Variants in PDE3B observed in about 807,000 individuals in gnomAD.
PDE3B encodes the protein cGMP-inhibited 3',5'-cyclic phosphodiesterase 3B.
Under a neutral mutation model 116.8 loss-of-function variants are expected in PDE3B, and 66 were observed. The observed-to-expected ratio is 0.56, with a 90% CI of 0.46 to 0.69. The LOEUF (loss-of-function observed/expected upper bound fraction) is 0.69, where lower values mean the gene tolerates loss of function less well. Ranked by LOEUF, PDE3B falls within the 30% of genes least tolerant of loss-of-function variation. PDE3B has a pLI of 0.00. For synonymous variants in PDE3B, 595 were observed against 533.6 expected (o/e 1.12, Z -1.59); for missense variants, 1,384 against 1,368.1 (o/e 1.01, Z -0.18).
intron 5 of PDE3B, among the ~76,000 whole-genome samples, chr11:14,816,208 G>C (rs1034800370): frequency 1.3e-5 from 2 of 152,144 alleles, no homozygotes; most frequent in Non-Finnish European, 2.9e-5. Flanking sequence ...AAATTAATCT[G>C]CTTTACTCAA....
At chr11:14,813,807 A>T (rs999616008) in intron 5 of PDE3B, among the ~76,000 whole-genome samples, 1 of 152,192 alleles carries the variant, frequency 6.6e-6, no homozygotes, top group Non-Finnish European at 1.5e-5. Context: ...CCTGACAAGG[A>T]TATTACAAGT....
At position 14,795,040 on chromosome 11, in the gene PDE3B, G is replaced by A. The variant is rs545462474; in HGVS notation, c.1415+5798G>A. Among the ~76,000 whole-genome samples, 158 of 152,248 alleles carry A rather than the reference G, an allele frequency of 1.0e-3. 1 individual carries two copies. Among genetic ancestry groups the A allele is most frequent in the Non-Finnish European group, 1.5e-3 (99 of 68,022 alleles). On this transcript the variant is annotated intron_variant, in intron 4 of 15. Coordinates refer to ENST00000282096, the MANE Select transcript of PDE3B (RefSeq NM_000922.4). ...TGTTTGGCTATTCACAAGCTCCTCA[G>A]ACCCAGTCCTTTCTGGATTTTTATA...
intron 1 of PDE3B, among the ~76,000 whole-genome samples, chr11:14,716,616 AC>A (rs1855907629): frequency 1.8e-5 from 2 of 112,978 alleles, no homozygotes; most frequent in Admixed American, 1.9e-4. Flanking sequence ...CTGACCCCTG[AC>A]CCCCGAGCAG....
intron 1 of PDE3B, among the ~76,000 whole-genome samples, chr11:14,653,474 A>T (rs1466079516): frequency 6.6e-6 from 1 of 152,094 alleles, no homozygotes; most frequent in Non-Finnish European, 1.5e-5. Flanking sequence ...CTGAGGCAGG[A>T]GAATGGCTTG....
chr11:14,785,831 A>T (rs1039781139), intron 2 of PDE3B, among the ~76,000 whole-genome samples: 1 of 151,762 alleles, frequency 6.6e-6, no homozygotes, highest in African/African-American at 2.4e-5. Flanking sequence ...ATTTTTCTTT[A>T]TTTTTATCTC....
intron 7 of PDE3B, among the ~76,000 whole-genome samples, chr11:14,821,882 A>G (rs1375223385): frequency 8.5e-5 from 13 of 152,088 alleles, no homozygotes; most frequent in Non-Finnish European, 2.9e-5. Flanking sequence ...TCTGAAACTC[A>G]ACTCCAATGA....
chr11:14,727,809 T>C (rs144056138), intron 1 of PDE3B, among the ~76,000 whole-genome samples: 3 of 152,146 alleles, frequency 2.0e-5, no homozygotes, highest in African/African-American at 7.2e-5. Context: ...AATTCATTTG[T>C]GCTTATAACA....
chr11:14,644,152 G>A lies in PDE3B; in HGVS notation c.77G>A (p.Ser26Asn), dbSNP rs756967590. 8.2e-6 allele frequency: 13 copies of A among 1,593,244 alleles called. No homozygotes were observed. The highest frequency in any genetic ancestry group is 1.1e-5 in the Non-Finnish European group (13 of 1,177,022). Residue 26 changes from serine (S) to asparagine (N), a missense_variant, in exon 1 of 16, where the codon AGT becomes AAT. Around this residue, in one of 2 missense-constraint regions of PDE3B, gnomAD observed 956 missense variants for 806.8 expected, o/e 1.18. Transcript: ENST00000282096. The part of the protein sequence containing the change: ...PPDGAGSPPE[S>N]LRNGYVKSCV... ...GATGGGGCCGGCTCGCCCCCCGAGAGTCTGAGGAACGGCTACGTGAAGAGC... is the reference window on the plus strand; with the variant it reads ...GATGGGGCCGGCTCGCCCCCCGAGAATCTGAGGAACGGCTACGTGAAGAGC...
chr11:14,669,001 C>A (rs1344878210), intron 1 of PDE3B, among the ~76,000 whole-genome samples: 1 of 152,038 alleles, frequency 6.6e-6, no homozygotes, highest in Non-Finnish European at 1.5e-5. Flanking sequence ...AGATGGCACA[C>A]TCAAATGGCT....
chr11:14,828,018 A>G (rs1293689452), intron 7 of PDE3B, among the ~76,000 whole-genome samples: 1 of 152,228 alleles, frequency 6.6e-6, no homozygotes, highest in East Asian at 1.9e-4. Flanking sequence ...CCACATGCCT[A>G]CAACCATTTG....
At chr11:14,688,181 C>A (rs1447132807) in intron 1 of PDE3B, among the ~76,000 whole-genome samples, 3 of 150,868 alleles carry the variant, frequency 2.0e-5, no homozygotes, top group African/African-American at 7.3e-5. Flanking sequence ...CTCTCCCTCT[C>A]CCCCTCTCCC....
chr11:14,883,949 A>G, the PDE3B span, among the ~76,000 whole-genome samples: 1 of 152,080 alleles, frequency 6.6e-6, no homozygotes, highest in Non-Finnish European at 1.5e-5. Flanking sequence ...ATCACTGGCC[A>G]TCAGAGAAAT....
the PDE3B span, chr11:14,880,536 G>T: frequency 6.2e-7 from 1 of 1,613,328 alleles, no homozygotes; most frequent in African/African-American, 1.3e-5. Context: ...CTTCATAAGT[G>T]AATCGTTCTC....
chr11:14,829,998 T>C (rs1859822557), intron 7 of PDE3B, among the ~76,000 whole-genome samples: 1 of 152,208 alleles, frequency 6.6e-6, no homozygotes, highest in African/African-American at 2.4e-5. Context: ...TATATACTTT[T>C]ATGCCTGGCT....
chr11:14,832,859 T>A lies in PDE3B; in HGVS notation c.2206+26T>A, dbSNP rs750881664. The A allele has an allele frequency of 7.1e-6, 7 of 985,894 alleles. No individual in the cohort carries two copies. In the South Asian group the frequency reaches 9.9e-5, roughly 14 times the overall value. 61.1% of individuals were successfully genotyped at this position (985,894 alleles called of 1,614,324 possible). On this transcript the variant is annotated intron_variant, in intron 10 of 15. Coordinates refer to ENST00000282096, the MANE Select transcript of PDE3B (RefSeq NM_000922.4). ...GTAAGTATTAACATATTTTATTATT[T>A]AAGTTCAAATAATATGGGTTTTGAA...
intron 1 of PDE3B, among the ~76,000 whole-genome samples, chr11:14,735,637 A>T (rs1165606632): frequency 6.6e-6 from 1 of 152,198 alleles, no homozygotes; most frequent in African/African-American, 2.4e-5. Context: ...AATTACATAA[A>T]ATAAAAAATC....
At chr11:14,822,819 C>A (rs763206008) in intron 7 of PDE3B, among the ~76,000 whole-genome samples, 3 of 152,168 alleles carry the variant, frequency 2.0e-5, no homozygotes, top group Non-Finnish European at 4.4e-5. Flanking sequence ...TCTTCAGGTC[C>A]CATGTCCACA....
chr11:14,721,117 C>T (rs1452292796), intron 1 of PDE3B, among the ~76,000 whole-genome samples: 20 of 149,188 alleles, frequency 1.3e-4, no homozygotes, highest in South Asian at 6.5e-4. Flanking sequence ...GGGCAAAGGA[C>T]ATGAACAGAC....
At chr11:14,833,502 C>T (rs568202390) in intron 10 of PDE3B, among the ~76,000 whole-genome samples, 1 of 152,014 alleles carries the variant, frequency 6.6e-6, no homozygotes, top group African/African-American at 2.4e-5. Flanking sequence ...TGTACTTTAT[C>T]TTTTTAAAAG....
Sources: allele counts gnomAD v4.1 joint callset (sites outside exome capture counted in the v4.1 genomes callset), GRCh38; gene constraint gnomAD v4.1.1; regional missense constraint gnomAD v4.1.1; transcripts MANE v1.5; gene names NCBI Gene and HGNC (gene_info 2026-07-23, HGNC 2026-07-21).